KLHL29: variants seen among roughly 807,000 people sequenced by gnomAD.
KLHL29 encodes the protein kelch like family member 29.
A neutral mutation model predicts 80.4 loss-of-function variants in KLHL29; 21 were observed. The observed-to-expected ratio is 0.26, with a 90% CI of 0.19 to 0.38. The LOEUF (loss-of-function observed/expected upper bound fraction) is 0.38. KLHL29 is among the 10% of genes least tolerant of loss of function. The pLI, the probability that KLHL29 is intolerant of heterozygous loss-of-function variation, is 1.00. For missense variants in KLHL29, 867 were observed against 1,223.9 expected (o/e 0.71, Z 4.35); for synonymous variants, 511 against 526.8 (o/e 0.97, Z 0.41).
intron 3 of KLHL29, among the ~76,000 whole-genome samples, chr2:23,577,566 G>A (rs1477736572): frequency 1.3e-5 from 2 of 152,030 alleles, no homozygotes; most frequent in East Asian, 3.9e-4. Flanking sequence ...GGCAAACATG[G>A]CGAAACCCCT....
chr2:23,434,172 T>A (rs1331379038), intron 1 of KLHL29, among the ~76,000 whole-genome samples: 1 of 151,810 alleles, frequency 6.6e-6, no homozygotes, highest in African/African-American at 2.4e-5. Flanking sequence ...ATACAAAAAA[T>A]TAGCCGGGCG....
At chr2:23,546,417 G>A (rs977434013) in intron 2 of KLHL29, among the ~76,000 whole-genome samples, 2 of 152,204 alleles carry the variant, frequency 1.3e-5, no homozygotes, top group African/African-American at 4.8e-5. Flanking sequence ...TGAGCTGGAG[G>A]AGGAGTGAAT....
intron 1 of KLHL29, among the ~76,000 whole-genome samples, chr2:23,440,839 G>C (rs1663496392): frequency 6.6e-6 from 1 of 152,170 alleles, no homozygotes; most frequent in Non-Finnish European, 1.5e-5. Context: ...ACAGGTGCTG[G>C]AGAGGATGTG....
At chr2:23,429,154 C>A (rs729616) in intron 1 of KLHL29, among the ~76,000 whole-genome samples, 81,845 of 151,944 alleles carry the variant, frequency 0.54, 24,474 homozygotes, top group African/African-American at 0.82. Flanking sequence ...TCACATACAC[C>A]CAGGCACGCA....
chr2:23,540,231 C>T (rs963945307), intron 2 of KLHL29, among the ~76,000 whole-genome samples: 23 of 152,218 alleles, frequency 1.5e-4, no homozygotes, highest in African/African-American at 2.4e-4. Context: ...CTTCCTCTGC[C>T]GGGGCCGTGG....
chr2:23,511,699 G>A (rs1665776558), intron 2 of KLHL29, among the ~76,000 whole-genome samples: 1 of 152,198 alleles, frequency 6.6e-6, no homozygotes, highest in Non-Finnish European at 1.5e-5. Context: ...TTTGCTGTCT[G>A]GGGATGTGAT....
intron 1 of KLHL29, among the ~76,000 whole-genome samples, chr2:23,400,353 T>C (rs1666569728): frequency 6.6e-6 from 1 of 152,180 alleles, no homozygotes; most frequent in South Asian, 2.1e-4. Context: ...TTTAGCCACA[T>C]TAAAGCCATT....
At chr2:23,639,671 G>T (rs869079232) in intron 4 of KLHL29, among the ~76,000 whole-genome samples, 4 of 151,772 alleles carry the variant, frequency 2.6e-5, no homozygotes, top group Non-Finnish European at 5.9e-5. Flanking sequence ...TACCCTCGGG[G>T]ACTGGGAATT....
chr2:23,408,880 G>A (rs974697710), intron 1 of KLHL29, among the ~76,000 whole-genome samples: 1 of 152,164 alleles, frequency 6.6e-6, no homozygotes. Flanking sequence ...TACGGTGTTC[G>A]TGTGCAATAA....
chr2:23,629,863 G>T (rs1230329036), intron 3 of KLHL29, among the ~76,000 whole-genome samples: 1 of 151,966 alleles, frequency 6.6e-6, no homozygotes, highest in African/African-American at 2.4e-5. Flanking sequence ...CTGAGAGAGG[G>T]AGAGAGAGGC....
At chr2:23,446,292 A>G (rs961764238) in intron 1 of KLHL29, among the ~76,000 whole-genome samples, 15 of 151,202 alleles carry the variant, frequency 9.9e-5, no homozygotes, top group Non-Finnish European at 2.1e-4. Flanking sequence ...AAGGTTTGAG[A>G]TGCTACCTTT....
At chr2:23,398,735 G>A in intron 1 of KLHL29, among the ~76,000 whole-genome samples, 1 of 152,192 alleles carries the variant, frequency 6.6e-6, no homozygotes. Flanking sequence ...GAACTTTCAT[G>A]CTTTCATGGA....
chr2:23,670,935 T>A (rs1572482844), intron 5 of KLHL29, among the ~76,000 whole-genome samples: 6 of 11,704 alleles, frequency 5.1e-4, no homozygotes, highest in Admixed American at 2.8e-3. Context: ...TCTCTCTCTC[T>A]CTCTCTCTCT....
At chr2:23,527,051 G>A (rs111780618) in intron 2 of KLHL29, among the ~76,000 whole-genome samples, 77 of 152,290 alleles carry the variant, frequency 5.1e-4, no homozygotes, top group East Asian at 1.7e-3. Flanking sequence ...TCCCTGCTAG[G>A]AAGCTAGGAT....
intron 5 of KLHL29, among the ~76,000 whole-genome samples, chr2:23,675,494 G>A (rs1416345332): frequency 1.3e-5 from 2 of 152,218 alleles, no homozygotes; most frequent in Non-Finnish European, 2.9e-5. Context: ...CCATGAAAAT[G>A]ATCTGTTCTT....
rs1263996153 is a variant in KLHL29 at position 23,520,576 on chromosome 2, C to G, written c.-45-41576C>G. On this transcript the variant is annotated intron_variant, in intron 2 of 13. Transcript: ENST00000486442. ...CTGCCCTGACCTCTGTTTCCTGGGC[C>G]CTGAGATCATGGCACTGTCAGAGCC... Among the ~76,000 whole-genome samples the G allele has an allele frequency of 2.0e-5, 3 of 152,150 alleles. No individual in the cohort carries two copies. In the East Asian group the frequency reaches 5.8e-4, roughly 29 times the overall value.
At chr2:23,530,852 G>A (rs1461163942) in intron 2 of KLHL29, among the ~76,000 whole-genome samples, 3 of 152,054 alleles carry the variant, frequency 2.0e-5, no homozygotes, top group Non-Finnish European at 4.4e-5. Flanking sequence ...AAGGGTTCTT[G>A]CCCCATCCCA....
intron 3 of KLHL29, among the ~76,000 whole-genome samples, chr2:23,595,489 A>T (rs1668372905): frequency 6.6e-6 from 1 of 152,210 alleles, no homozygotes; most frequent in African/African-American, 2.4e-5. Flanking sequence ...AGGCTTGGGA[A>T]GGTGGGCAGA....
At chr2:23,444,046 G>T (rs1663607023) in intron 1 of KLHL29, among the ~76,000 whole-genome samples, 1 of 152,066 alleles carries the variant, frequency 6.6e-6, no homozygotes, top group South Asian at 2.1e-4. Context: ...GTCTCTCTTT[G>T]AGTTCTTCCT....
Sources: gnomAD v4.1 joint callset for allele counts (sites outside exome capture counted in the v4.1 genomes callset) on GRCh38, gnomAD v4.1.1 for gene constraint, MANE v1.5 for transcripts, NCBI Gene and HGNC (gene_info 2026-07-23, HGNC 2026-07-21) for gene names.